The following CEP76 variants were observed in gnomAD, a reference collection of about 807,000 sequenced individuals.
CEP76 encodes the protein centrosomal protein 76.
In CEP76, 55 loss-of-function variants were observed where a neutral mutation model predicts 83.3. The observed-to-expected ratio is 0.66, with a 90% CI of 0.53 to 0.83. The LOEUF (loss-of-function observed/expected upper bound fraction) is 0.83. CEP76 is among the 40% of genes least tolerant of loss of function. The pLI is 0.00. For synonymous variants in CEP76, 270 were observed against 274.5 expected, an observed-to-expected ratio of 0.98 and a Z score of 0.16; for missense variants, 694 against 799.5, an observed-to-expected ratio of 0.87 and a Z score of 1.59.
At chr18:12,674,411 C>T in intron 11 of CEP76, 125 bp downstream of exon 11, 2 of 676,166 alleles carry the variant, frequency 3.0e-6, no homozygotes, top group Admixed American at 3.1e-5. Context: ...CACTGTACTC[C>T]AGCATGGGCA....
At chr18:12,686,551 T>C (rs1217487573) in intron 7 of CEP76, 101 bp from the exon 8 acceptor site, 10 of 855,942 alleles carry the variant, frequency 1.2e-5, no homozygotes, top group Non-Finnish European at 1.6e-5. Flanking sequence ...CAGCATACCA[T>C]TGATCGAGTG....
intron 10 of CEP76, among the ~76,000 whole-genome samples, chr18:12,676,279 C>CA (rs2039128536): frequency 9.4e-6 from 1 of 106,430 alleles, no homozygotes; most frequent in Non-Finnish European, 1.9e-5. Context: ...ACAGTAATTC[C>CA]TTTTTTTTTT....
chr18:12,686,199 G>A, intron 8 of CEP76, 63 bp downstream of exon 8: 7 of 1,329,394 alleles, frequency 5.3e-6, no homozygotes, highest in Non-Finnish European at 2.1e-6. Context: ...TTTTACAAAT[G>A]GATTACAAAT....
In CEP76 at chr18:12,697,203, T is replaced by C; in HGVS notation, c.706+20A>G. On this transcript the variant is annotated intron_variant, in intron 5 of 11. Coordinates refer to ENST00000262127, the MANE Select transcript of CEP76 (RefSeq NM_024899.4). Reference sequence around the variant, plus strand: ...ACTGTGGCTATAAAAAGGTTAACAATGATATATTAATCACCATACCTACAC... The same window carrying C: ...ACTGTGGCTATAAAAAGGTTAACAACGATATATTAATCACCATACCTACAC... 6.5e-7 allele frequency: 1 copy of C among 1,527,484 alleles called. No homozygotes were observed. Among genetic ancestry groups the C allele is most frequent in the Non-Finnish European group, 8.9e-7 (1 of 1,122,012 alleles). The allele number at this position is 1,527,484 out of a possible 1,614,324, so 94.6% of individuals were successfully genotyped here. A position where few individuals can be genotyped will look rare whatever the true frequency, so the allele number is the denominator to read the frequency against.
At position 12,678,301 on chromosome 18, in the gene CEP76, G is replaced by C; in HGVS notation, c.1431C>G (p.Thr477=). ...ATTCATCGTTCAAATCAAATACACA[G>C]GTTTCTACTGCATCAGAGGGTTGAC... The part of the protein sequence containing the change: ...GNCQPSDAVE[T]CVFDLNDESK... Residue 477 remains threonine (T), a synonymous_variant, in exon 10 of 12, where the codon ACC becomes ACG. Transcript: ENST00000262127. 6.2e-7 allele frequency: 1 copy of C among 1,614,128 alleles called. No homozygotes were observed. The highest frequency in any genetic ancestry group is 8.5e-7 in the Non-Finnish European group (1 of 1,180,030).
chr18:12,697,473 T>C, intron 4 of CEP76, 65 bp from the exon 5 acceptor site: 1 of 1,067,792 alleles, frequency 9.4e-7, no homozygotes, highest in Non-Finnish European at 1.3e-6. Context: ...CATAAAAGAA[T>C]ACTTTTATTA....
chr18:12,699,227 G>A (rs1461768737), intron 3 of CEP76, 24 bp from the exon 4 acceptor site: 14 of 1,462,494 alleles, frequency 9.6e-6, no homozygotes, highest in Middle Eastern at 1.8e-4. Flanking sequence ...CAATATATAT[G>A]AGGAAACTGC....
Position 12,674,540 on chromosome 18 carries a change from G to C in CEP76, c.1837C>G (p.Leu613Val), listed in dbSNP as rs1568009804. 13 of 1,610,996 alleles carry C rather than the reference G, an allele frequency of 8.1e-6. No homozygotes were observed. The change falls in exon 11 of 12, where the codon CTT (leucine) becomes GTT (valine). Residue 613 changes from leucine (L) to valine (V), a missense_variant. Physicochemically the swap from Leu to Val is conservative, Grantham distance 32 (BLOSUM62 1). Coordinates refer to ENST00000262127, the MANE Select transcript of CEP76 (RefSeq NM_024899.4). ...RNARRAFATC[L>V]RSPFCEEIIC... ...ATTCCGTAAATTACACCTTACCGAA[G>C]ACATGTGGCAAATGCACGTCTTGCA...
At position 12,697,314 on chromosome 18, in the gene CEP76, C is replaced by T. The variant is rs940216205; in HGVS notation, c.615G>A (p.Thr205=). 11 of 1,613,712 alleles carry T rather than the reference C, an allele frequency of 6.8e-6. No homozygotes were observed. The highest frequency in any genetic ancestry group is 1.3e-5 in the African/African-American group (1 of 74,912). ...VLIKTDIFGE[T]TLVASYFLEW... The stretch of plus-strand genomic sequence containing the variant: ...CCAGAAAATATGATGCTACTAAAGT[C>T]GTCTCACCAAATATGTCTGTTTTGA... Residue 205 remains threonine (T), a synonymous_variant, in exon 5 of 12, where the codon ACG becomes ACA. Transcript: ENST00000262127.
intron 7 of CEP76, among the ~76,000 whole-genome samples, chr18:12,688,742 T>C (rs1020111171): frequency 2.6e-5 from 4 of 152,230 alleles, no homozygotes; most frequent in African/African-American, 9.6e-5. Context: ...TTAGTCATAA[T>C]AGCCACATTT....
rs2038996559 is a variant in CEP76 at position 12,673,339 on chromosome 18, G to T, written c.*26C>A. The T allele has an allele frequency of 6.3e-7, 1 of 1,586,266 alleles. No homozygotes were observed. Among genetic ancestry groups the T allele is most frequent in the South Asian group, 1.2e-5 (1 of 86,296 alleles). ...TGTGTAAAATTCCAATTAAACACAG[G>T]TATAAATCTTATATAAATATTGGCC... On this transcript the variant is annotated 3_prime_UTR_variant, in exon 12 of 12. Coordinates refer to ENST00000262127, the MANE Select transcript of CEP76 (RefSeq NM_024899.4).
chr18:12,693,183 A>T (rs993057013), intron 6 of CEP76, among the ~76,000 whole-genome samples: 1 of 152,346 alleles, frequency 6.6e-6, no homozygotes, highest in South Asian at 2.1e-4. Flanking sequence ...ATAATAGAAT[A>T]AACTTATGTT....
intron 9 of CEP76, among the ~76,000 whole-genome samples, chr18:12,679,473 T>C (rs2039271349): frequency 6.6e-6 from 1 of 152,172 alleles, no homozygotes; most frequent in Admixed American, 6.6e-5. Flanking sequence ...GGAGCGTCCG[T>C]TTCCCAGTGT....
At position 12,701,141 on chromosome 18, in the gene CEP76, A is replaced by G. The variant is rs1054019542; in HGVS notation, c.64-28T>C. 1.9e-6 allele frequency: 3 copies of G among 1,579,618 alleles called. No individual in the cohort carries two copies. In the African/African-American group the frequency reaches 4.1e-5, roughly 21 times the overall value. Reference sequence around the variant, plus strand: ...ATGTAGAAAACTCATATTACAATTTATAACATCACAAAGCAGTCAAATACT... The same window carrying G: ...ATGTAGAAAACTCATATTACAATTTGTAACATCACAAAGCAGTCAAATACT... On this transcript the variant is annotated intron_variant, in intron 1 of 11. Coordinates refer to ENST00000262127, the MANE Select transcript of CEP76 (RefSeq NM_024899.4).
downstream of CEP76, among the ~76,000 whole-genome samples, chr18:12,672,239 T>TG (rs759443830): frequency 4.6e-4 from 70 of 151,426 alleles, no homozygotes; most frequent in African/African-American, 1.7e-3. Context: ...CTCAGCCTCC[T>TG]GAGTAGCTGG....
chr18:12,666,642 G>T (rs1224973253), intron 12 of CEP76, among the ~76,000 whole-genome samples: 1 of 150,942 alleles, frequency 6.6e-6, no homozygotes, highest in Non-Finnish European at 1.5e-5. Flanking sequence ...TAGAGACAGG[G>T]TTTCGCCACA....
intron 12 of CEP76, among the ~76,000 whole-genome samples, chr18:12,666,436 G>GAT (rs1555640545): frequency 3.2e-5 from 4 of 126,624 alleles, no homozygotes; most frequent in African/African-American, 5.8e-5. Context: ...AAATTTTATG[G>GAT]TTTTTTTTTT....
intron 6 of CEP76, among the ~76,000 whole-genome samples, chr18:12,694,891 A>G (rs1444898398): frequency 2.7e-5 from 4 of 145,832 alleles, no homozygotes; most frequent in East Asian, 4.0e-4. Context: ...TTTTTTTTGT[A>G]TTTTTAGTAG....
chr18:12,695,534 G>T (rs1002284253), intron 5 of CEP76, among the ~76,000 whole-genome samples, 183 bp from the exon 6 acceptor site: 5 of 151,920 alleles, frequency 3.3e-5, no homozygotes, highest in East Asian at 3.9e-4. Flanking sequence ...TTAAACAAAG[G>T]TGTTTAATTA....
Sources: gnomAD v4.1 joint callset for allele counts (sites outside exome capture counted in the v4.1 genomes callset) on GRCh38, gnomAD v4.1.1 for gene constraint, MANE v1.5 for transcripts, NCBI Gene and HGNC (gene_info 2026-07-23, HGNC 2026-07-21) for gene names.